The following ISM1 variants were observed in gnomAD, a reference collection of about 807,000 sequenced individuals.
The protein encoded by ISM1 is isthmin-1.
Under a neutral mutation model 46.3 loss-of-function variants are expected in ISM1, and 25 were observed. The ratio of observed to expected loss-of-function variants is 0.54; its 90% confidence interval spans 0.39 to 0.75. The LOEUF (loss-of-function observed/expected upper bound fraction) is 0.75. Ranked by LOEUF, ISM1 falls within the 30% of genes least tolerant of loss-of-function variation. ISM1 has a pLI of 0.00. For synonymous variants in ISM1, 255 were observed against 256.7 expected (o/e 0.99, Z 0.06); for missense variants, 536 against 625.4 (o/e 0.86, Z 1.52).
intron 3 of ISM1, among the ~76,000 whole-genome samples, chr20:13,282,692 G>A (rs1423449035): frequency 6.6e-6 from 1 of 152,182 alleles, no homozygotes; most frequent in Non-Finnish European, 1.5e-5. Flanking sequence ...TGGACATCGG[G>A]ATTGCTACTT....
chr20:13,243,892 A>G (rs2039761214), intron 1 of ISM1, among the ~76,000 whole-genome samples: 1 of 152,162 alleles, frequency 6.6e-6, no homozygotes, highest in Admixed American at 6.5e-5. Context: ...CCTGAAATAG[A>G]TATTTGAAGG....
At chr20:13,302,068 A>G (rs978588074), downstream of ISM1, among the ~76,000 whole-genome samples, 1 of 152,240 alleles carries the variant, frequency 6.6e-6, no homozygotes, top group African/African-American at 2.4e-5. Context: ...GTTTAAGGTG[A>G]TGAGCAGAGG....
intron 1 of ISM1, among the ~76,000 whole-genome samples, chr20:13,261,372 C>T (rs1014104228): frequency 2.6e-5 from 4 of 151,156 alleles, no homozygotes; most frequent in African/African-American, 4.9e-5. Flanking sequence ...GAGCCGAGAT[C>T]GCGCCATTGC....
intron 2 of ISM1, among the ~76,000 whole-genome samples, chr20:13,278,595 T>C (rs1392743718): frequency 6.6e-6 from 1 of 152,236 alleles, no homozygotes; most frequent in African/African-American, 2.4e-5. Flanking sequence ...TTACTAGCCC[T>C]GTGACTTTAG....
downstream of ISM1, among the ~76,000 whole-genome samples, chr20:13,304,130 G>A (rs1048279889): frequency 3.3e-5 from 5 of 152,180 alleles, no homozygotes; most frequent in African/African-American, 1.2e-4. Flanking sequence ...AAAGTTTTTT[G>A]TAGGTTCAGC....
At chr20:13,249,960 A>C (rs984742538) in intron 1 of ISM1, among the ~76,000 whole-genome samples, 3 of 152,204 alleles carry the variant, frequency 2.0e-5, no homozygotes, top group Non-Finnish European at 2.9e-5. Context: ...TTCCTTTCCA[A>C]ATTGATGAAA....
chr20:13,299,688 C>T lies in ISM1; in HGVS notation c.*229C>T. 2 of 458,910 alleles carry T rather than the reference C, an allele frequency of 4.4e-6. No individual in the cohort carries two copies. Among genetic ancestry groups the T allele is most frequent in the Non-Finnish European group, 7.7e-6 (2 of 259,182 alleles). 28.4% of individuals were successfully genotyped at this position (458,910 alleles called of 1,614,324 possible). A position where few individuals can be genotyped will look rare whatever the true frequency, so the allele number is the denominator to read the frequency against. ...GCTCCTTGAAAGTGCCCCTGGGGAG[C>T]GATGTGGGCAGAAGGATGGGGACAA... On this transcript the variant is annotated 3_prime_UTR_variant, in exon 6 of 6. Coordinates refer to ENST00000262487, the MANE Select transcript of ISM1 (RefSeq NM_080826.2). This position sits in a 1 kb window ranked among gnomAD's most constrained non-coding sequence, Gnocchi z 5.8.
At chr20:13,297,974 G>A (rs1158047030) in intron 5 of ISM1, among the ~76,000 whole-genome samples, 1 of 152,136 alleles carries the variant, frequency 6.6e-6, no homozygotes, top group Non-Finnish European at 1.5e-5. Flanking sequence ...ACATGCCTAA[G>A]GTTAAGAGGC....
intron 1 of ISM1, among the ~76,000 whole-genome samples, chr20:13,222,434 T>A (rs1303417022): frequency 6.6e-6 from 1 of 152,066 alleles, no homozygotes; most frequent in Non-Finnish European, 1.5e-5. Context: ...CATCCCCTCC[T>A]CACCCTCAGG....
intron 1 of ISM1, among the ~76,000 whole-genome samples, chr20:13,269,643 C>A (rs376471485): frequency 6.6e-6 from 1 of 152,132 alleles, no homozygotes; most frequent in African/African-American, 2.4e-5. Flanking sequence ...CAGGGTGCCA[C>A]CTTCTCTTGT....
chr20:13,309,439 A>G, the ISM1 span, among the ~76,000 whole-genome samples: 1 of 152,178 alleles, frequency 6.6e-6, no homozygotes, highest in Non-Finnish European at 1.5e-5. Context: ...AATCAAGACC[A>G]TATAGCACAA....
chr20:13,229,774 C>T (rs2123132729), intron 1 of ISM1, among the ~76,000 whole-genome samples: 1 of 152,234 alleles, frequency 6.6e-6, no homozygotes, highest in South Asian at 2.1e-4. Flanking sequence ...TTCCTTTTCT[C>T]ACCTCTGTAG....
chr20:13,306,266 A>T, the ISM1 span, among the ~76,000 whole-genome samples: 3 of 152,034 alleles, frequency 2.0e-5, no homozygotes, highest in Non-Finnish European at 4.4e-5. Flanking sequence ...AGAAAAAGGA[A>T]TTTTTTTTCT....
At chr20:13,293,246 G>A (rs1225935828) in intron 5 of ISM1, among the ~76,000 whole-genome samples, 1 of 151,872 alleles carries the variant, frequency 6.6e-6, no homozygotes, top group Non-Finnish European at 1.5e-5. Flanking sequence ...TAAACCTTTG[G>A]TACAGTTTGC....
intron 1 of ISM1, among the ~76,000 whole-genome samples, chr20:13,240,212 C>G (rs2123161731): frequency 6.6e-6 from 1 of 152,216 alleles, no homozygotes; most frequent in South Asian, 2.1e-4. Flanking sequence ...ACTGGAGATT[C>G]AATAGAGAAC....
In ISM1 at chr20:13,299,911, A is replaced by G. The variant is rs1333802059; in HGVS notation, c.*452A>G. On this transcript the variant is annotated 3_prime_UTR_variant, in exon 6 of 6. Coordinates refer to ENST00000262487, the MANE Select transcript of ISM1 (RefSeq NM_080826.2). This position sits in a 1 kb window ranked among gnomAD's most constrained non-coding sequence, Gnocchi z 5.8. ...TTTCTCTGGAGTTGTGGTGAAACTA[A>G]TCACGTCTGTGAGAGATCAGAAAGA... 1 of 155,778 alleles carries G rather than the reference A, an allele frequency of 6.4e-6. No homozygotes were observed. Among genetic ancestry groups the G allele is most frequent in the Non-Finnish European group, 1.4e-5 (1 of 70,242 alleles). The allele number at this position is 155,778 out of a possible 1,614,324, so 9.6% of individuals were successfully genotyped here.
At chr20:13,309,081 A>G in the ISM1 span, among the ~76,000 whole-genome samples, 1 of 152,226 alleles carries the variant, frequency 6.6e-6, no homozygotes, top group South Asian at 2.1e-4. Flanking sequence ...TGACTAAGAC[A>G]GTATATGAAA....
In ISM1 at chr20:13,299,083, G is replaced by C; in HGVS notation, c.1019G>C (p.Arg340Pro). ...TACAGCACGGCCGACATCTTCGACCGCATCAAGCGCAAGGACTTCCGCTGG... is the reference window on the plus strand; with the variant it reads ...TACAGCACGGCCGACATCTTCGACCCCATCAAGCGCAAGGACTTCCGCTGG... ...VAYSTADIFD[R>P]IKRKDFRWKD... Residue 340 changes from arginine to proline, a missense_variant, in exon 6 of 6, where the codon CGC becomes CCC. By Grantham distance (103) the Arg-to-Pro change is moderately radical. Transcript: ENST00000262487. The surrounding 1 kb of genome is among the most constrained non-coding windows in gnomAD (Gnocchi z 5.8). The C allele has an allele frequency of 6.2e-7, 1 of 1,613,604 alleles. No individual in the cohort carries two copies. The highest frequency in any genetic ancestry group is 8.5e-7 in the Non-Finnish European group (1 of 1,179,778).
chr20:13,248,665 C>T (rs747226913), intron 1 of ISM1, among the ~76,000 whole-genome samples: 37 of 152,136 alleles, frequency 2.4e-4, no homozygotes, highest in Non-Finnish European at 4.4e-4. Flanking sequence ...CACTTCTTTT[C>T]GTCTCCTTCA....
Sources: gnomAD v4.1 joint callset for allele counts (sites outside exome capture counted in the v4.1 genomes callset) on GRCh38, gnomAD v4.1.1 for gene constraint, Gnocchi (gnomAD v3.1) non-coding constraint, MANE v1.5 for transcripts, NCBI Gene and HGNC (gene_info 2026-07-23, HGNC 2026-07-21) for gene names.